The following SPSB4 variants were observed in gnomAD, a reference collection of about 807,000 sequenced individuals.
SPSB4 encodes the protein splA/ryanodine receptor domain and SOCS box containing 4, also known as SPRY domain-containing SOCS box protein 4.
A neutral mutation model predicts 20.9 loss-of-function variants in SPSB4; 21 were observed. The ratio of observed to expected loss-of-function variants is 1.01; its 90% confidence interval spans 0.71 to 1.45. The LOEUF is 1.45. SPSB4 is among the 40% of genes most tolerant of loss of function. The probability of loss-of-function intolerance (pLI) is 0.00; values close to 1 mark genes in which losing one functional copy is unlikely to be tolerated. For missense variants in SPSB4, 399 were observed against 399.2 expected (o/e 1.00, Z 0.00); for synonymous variants, 207 against 183.8 (o/e 1.13, Z -1.02).
At chr3:141,112,051 G>T (rs1938806867) in intron 2 of SPSB4, among the ~76,000 whole-genome samples, 1 of 152,186 alleles carries the variant, frequency 6.6e-6, no homozygotes, top group South Asian at 2.1e-4. Context: ...CTCCCAGCTG[G>T]AGAACTGCAG....
intron 2 of SPSB4, 118 bp downstream of exon 2, chr3:141,066,916 G>A: frequency 1.9e-6 from 2 of 1,071,764 alleles, no homozygotes; most frequent in Non-Finnish European, 2.5e-6. Flanking sequence ...GGAATGGTCA[G>A]GACCTGGGTT....
intron 2 of SPSB4, among the ~76,000 whole-genome samples, chr3:141,140,756 C>A (rs1029510084): frequency 1.3e-5 from 2 of 152,204 alleles, no homozygotes; most frequent in African/African-American, 2.4e-5. Flanking sequence ...GGTTGTCTCC[C>A]AGTTAGGCTA....
At chr3:141,138,725 T>G (rs1576544028) in intron 2 of SPSB4, among the ~76,000 whole-genome samples, 2 of 152,360 alleles carry the variant, frequency 1.3e-5, no homozygotes. Context: ...TCTGTTCTTT[T>G]ACATTTGCTG....
chr3:141,084,093 G>A (rs569630394), intron 2 of SPSB4, among the ~76,000 whole-genome samples: 2 of 152,290 alleles, frequency 1.3e-5, no homozygotes, highest in East Asian at 1.9e-4. Flanking sequence ...GCCCGGCGTC[G>A]CTGGGTAGAG....
At chr3:141,085,318 C>A (rs75872850) in intron 2 of SPSB4, among the ~76,000 whole-genome samples, 3,461 of 152,308 alleles carry the variant, frequency 0.023, 70 homozygotes, top group Non-Finnish European at 0.037. Context: ...ACAAGAATTT[C>A]TCTCTCATGG....
Position 141,066,455 on chromosome 3 carries a change from G to T in SPSB4, c.351G>T (p.Val117=), listed in dbSNP as rs2107779108. The part of the protein sequence containing the change: ...RQRGTHAVVG[V]ATARAPLHSV... ...GCGGCACCCACGCTGTAGTTGGTGT[G>T]GCCACGGCCCGTGCTCCCCTGCACT... The change falls in exon 2 of 3, where the codon GTG becomes GTT. Residue 117 remains valine (V), a synonymous_variant. Transcript: ENST00000310546. The T allele has an allele frequency of 6.7e-7, 1 of 1,499,716 alleles. No homozygotes were observed. 92.9% of individuals were successfully genotyped at this position (1,499,716 alleles called of 1,614,324 possible).
chr3:141,069,384 C>A (rs900114126), intron 2 of SPSB4, among the ~76,000 whole-genome samples: 2 of 152,150 alleles, frequency 1.3e-5, no homozygotes, highest in African/African-American at 4.8e-5. Flanking sequence ...GGGTTTGGGA[C>A]TAGTTTGGCT....
rs1170489444 is a variant in SPSB4 at position 141,066,240 on chromosome 3, G to C, written c.136G>C (p.Ala46Pro). Residue 46 changes from alanine (A) to proline (P), a missense_variant, in exon 2 of 3, where the codon GCG becomes CCG. Transcript: ENST00000310546. Reference protein sequence around the residue: ...RLDQLLDMPAAGLAVQLRHAW... With the variant: ...RLDQLLDMPAPGLAVQLRHAW... ...GGACCAGCTGTTGGACATGCCAGCGGCGGGGCTGGCTGTGCAGCTGCGGCA... is the reference window on the plus strand; with the variant it reads ...GGACCAGCTGTTGGACATGCCAGCGCCGGGGCTGGCTGTGCAGCTGCGGCA... The C allele has an allele frequency of 6.5e-7, 1 of 1,527,302 alleles. No individual in the cohort carries two copies. The highest frequency in any genetic ancestry group is 8.8e-7 in the Non-Finnish European group (1 of 1,138,040). The allele number at this position is 1,527,302 out of a possible 1,614,324, so 94.6% of individuals were successfully genotyped here. A position where few individuals can be genotyped will look rare whatever the true frequency, so the allele number is the denominator to read the frequency against.
intron 2 of SPSB4, among the ~76,000 whole-genome samples, chr3:141,122,742 G>A (rs1051337580): frequency 3.9e-5 from 6 of 152,226 alleles, no homozygotes; most frequent in African/African-American, 7.2e-5. Flanking sequence ...CGTGGGACCC[G>A]CCAAGCCAGG....
At chr3:141,129,137 A>ATGGGAAGGAGCTGG (rs1939096082) in intron 2 of SPSB4, among the ~76,000 whole-genome samples, 1 of 152,180 alleles carries the variant, frequency 6.6e-6, no homozygotes, top group African/African-American at 2.4e-5. Flanking sequence ...CAGGGAGCTG[A>ATGGGAAGGAGCTGG]TGGGAAGGCC....
At chr3:141,052,429 C>A (rs1471308260) in intron 1 of SPSB4, among the ~76,000 whole-genome samples, 5 of 152,144 alleles carry the variant, frequency 3.3e-5, no homozygotes, top group African/African-American at 1.2e-4. Context: ...ATGTGCTGGG[C>A]ACACAGGAAA....
At chr3:141,121,548 C>G (rs1938966542) in intron 2 of SPSB4, among the ~76,000 whole-genome samples, 1 of 152,210 alleles carries the variant, frequency 6.6e-6, no homozygotes, top group African/African-American at 2.4e-5. Flanking sequence ...TTCAGGAATA[C>G]CAATCAAACA....
At chr3:141,124,903 A>G (rs1264232222) in intron 2 of SPSB4, among the ~76,000 whole-genome samples, 1 of 152,204 alleles carries the variant, frequency 6.6e-6, no homozygotes, top group Non-Finnish European at 1.5e-5. Context: ...GTGGAGCACA[A>G]GATCCTGCAT....
At chr3:141,105,598 A>G (rs1264461545) in intron 2 of SPSB4, among the ~76,000 whole-genome samples, 1 of 152,184 alleles carries the variant, frequency 6.6e-6, no homozygotes, top group African/African-American at 2.4e-5. Context: ...ATTTGAGCTC[A>G]AAGAGAAGTG....
chr3:141,088,376 G>A (rs569318617), intron 2 of SPSB4, among the ~76,000 whole-genome samples: 7 of 152,306 alleles, frequency 4.6e-5, no homozygotes, highest in East Asian at 1.9e-4. Context: ...GCGTCTTTGC[G>A]CTTTTATGTA....
At chr3:141,109,977 A>G (rs895216881) in intron 2 of SPSB4, among the ~76,000 whole-genome samples, 3 of 152,248 alleles carry the variant, frequency 2.0e-5, no homozygotes, top group South Asian at 4.1e-4. Flanking sequence ...TCTCCGCCCC[A>G]CAGCCTCACT....
rs906145934 is a variant in SPSB4, at chr3:141,147,073, G to T, written c.695-69G>T. ...AGGAGCAGGCAGGAGGCGGTATGCA[G>T]TGGGGGCTGGGATGAGAAGGTGCCA... On this transcript the variant is annotated intron_variant, in intron 2 of 2. Transcript: ENST00000310546. The T allele has an allele frequency of 2.5e-6, 4 of 1,596,210 alleles. No homozygotes were observed. In the African/African-American group the frequency reaches 5.4e-5, roughly 21 times the overall value.
intron 2 of SPSB4, among the ~76,000 whole-genome samples, chr3:141,078,309 G>T (rs1045493213): frequency 6.6e-6 from 1 of 152,202 alleles, no homozygotes; most frequent in South Asian, 2.1e-4. Context: ...GGCTTGGAAC[G>T]TGTGTGTCAC....
intron 2 of SPSB4, among the ~76,000 whole-genome samples, chr3:141,081,656 G>C (rs144446566): frequency 1.3e-5 from 2 of 151,612 alleles, no homozygotes; most frequent in Non-Finnish European, 2.9e-5. Flanking sequence ...GCGGGGGGAG[G>C]GGCAGCTGTG....
Sources: allele counts gnomAD v4.1 joint callset (sites outside exome capture counted in the v4.1 genomes callset), GRCh38; gene constraint gnomAD v4.1.1; transcripts MANE v1.5; gene names NCBI Gene and HGNC (gene_info 2026-07-23, HGNC 2026-07-21).